Variants in LINGO2 observed in about 807,000 individuals in gnomAD.
The protein encoded by LINGO2 is leucine rich repeat and Ig domain containing 2, also known as leucine-rich repeat and immunoglobulin-like domain-containing nogo receptor-interacting protein 2.
Under a neutral mutation model 30.6 loss-of-function variants are expected in LINGO2, and 14 were observed. That is an observed-to-expected ratio of 0.46 (90% CI 0.30 to 0.72). LINGO2 has a LOEUF of 0.72. LINGO2 is among the 30% of genes least tolerant of loss of function. LINGO2 has a pLI of 0.07. For missense variants in LINGO2, 729 were observed against 751.7 expected, an observed-to-expected ratio of 0.97 and a Z score of 0.35; for synonymous variants, 317 against 288.5, an observed-to-expected ratio of 1.10 and a Z score of -1.00.
chr9:28,159,899 T>C (rs946998627), intron 4 of LINGO2, among the ~76,000 whole-genome samples: 1 of 152,182 alleles, frequency 6.6e-6, no homozygotes, highest in African/African-American at 2.4e-5. Context: ...ATTGAGACTT[T>C]TTTAACTAAA....
intron 5 of LINGO2, among the ~76,000 whole-genome samples, chr9:27,958,180 G>C (rs1001502477): frequency 6.6e-6 from 1 of 152,072 alleles, no homozygotes; most frequent in Non-Finnish European, 1.5e-5. Flanking sequence ...ATGAAAAAAT[G>C]CTTTTCTGTA....
chr9:28,556,015 T>G (rs918213126), intron 1 of LINGO2, among the ~76,000 whole-genome samples: 1 of 152,076 alleles, frequency 6.6e-6, no homozygotes, highest in Non-Finnish European at 1.5e-5. Flanking sequence ...ATGAGCTATC[T>G]ATGACAAACC....
At chr9:28,506,009 A>C (rs1443195106) in intron 1 of LINGO2, among the ~76,000 whole-genome samples, 2 of 151,942 alleles carry the variant, frequency 1.3e-5, no homozygotes, top group Non-Finnish European at 2.9e-5. Context: ...CTCAACTTGA[A>C]TAGTTGTACT....
chr9:28,029,056 T>G (rs1823532148), intron 4 of LINGO2, among the ~76,000 whole-genome samples: 1 of 152,170 alleles, frequency 6.6e-6, no homozygotes. Flanking sequence ...AGAGTGAGTA[T>G]ATAAAAGACC....
chr9:29,070,369 G>A, the LINGO2 span, among the ~76,000 whole-genome samples: 1 of 152,070 alleles, frequency 6.6e-6, no homozygotes, highest in African/African-American at 2.4e-5. Flanking sequence ...AGTTGTTGAG[G>A]AGTGCTGCAA....
At chr9:28,107,654 G>A (rs571744758) in intron 4 of LINGO2, among the ~76,000 whole-genome samples, 124 of 152,166 alleles carry the variant, frequency 8.1e-4, no homozygotes, top group African/African-American at 2.8e-3. Flanking sequence ...TTAGAAAAGC[G>A]TATAAGGTAA....
At chr9:28,210,060 C>T (rs1430803922) in intron 4 of LINGO2, among the ~76,000 whole-genome samples, 1 of 151,710 alleles carries the variant, frequency 6.6e-6, no homozygotes, top group African/African-American at 2.4e-5. Flanking sequence ...TTCCTTTACC[C>T]TTTAAAGAGG....
At chr9:29,039,356 G>A in the LINGO2 span, among the ~76,000 whole-genome samples, 48 of 152,162 alleles carry the variant, frequency 3.2e-4, no homozygotes, top group Middle Eastern at 3.4e-3. Context: ...GTTCATAAGA[G>A]AAAAAAACAA....
At chr9:28,383,940 T>G (rs1329766957) in intron 2 of LINGO2, among the ~76,000 whole-genome samples, 1 of 152,030 alleles carries the variant, frequency 6.6e-6, no homozygotes, top group African/African-American at 2.4e-5. Flanking sequence ...ACCTATGATC[T>G]TATGCTAATA....
chr9:28,111,410 TA>T (rs1387936396), intron 4 of LINGO2, among the ~76,000 whole-genome samples: 6 of 147,496 alleles, frequency 4.1e-5, no homozygotes, highest in Admixed American at 2.0e-4. Context: ...AAATAAAAAT[TA>T]AAAAAAAAAG....
chr9:28,382,918 A>T (rs1288105808), intron 2 of LINGO2, among the ~76,000 whole-genome samples: 1 of 152,086 alleles, frequency 6.6e-6, no homozygotes. Flanking sequence ...TCATTTTTTC[A>T]TACCTGCTTC....
chr9:28,442,622 C>T (rs1256473541), intron 2 of LINGO2, among the ~76,000 whole-genome samples: 2 of 151,864 alleles, frequency 1.3e-5, no homozygotes, highest in Non-Finnish European at 2.9e-5. Context: ...TAAATGCATT[C>T]ATTTATTTTC....
the LINGO2 span, among the ~76,000 whole-genome samples, chr9:28,686,606 C>A: frequency 2.0e-5 from 3 of 152,002 alleles, no homozygotes; most frequent in Non-Finnish European, 4.4e-5. Context: ...CTGCATTAAT[C>A]CTGGACTATG....
chr9:28,993,144 G>A, the LINGO2 span, among the ~76,000 whole-genome samples: 1 of 151,960 alleles, frequency 6.6e-6, no homozygotes, highest in African/African-American at 2.4e-5. Flanking sequence ...AGAAAAGAGA[G>A]AAGAATCAAA....
intron 1 of LINGO2, among the ~76,000 whole-genome samples, chr9:28,552,574 G>C (rs753729163): frequency 6.6e-6 from 1 of 151,692 alleles, no homozygotes. Context: ...CATAGGACTG[G>C]GAACATGGTC....
chr9:29,118,945 A>G, the LINGO2 span, among the ~76,000 whole-genome samples: 3 of 152,186 alleles, frequency 2.0e-5, no homozygotes, highest in Non-Finnish European at 4.4e-5. Context: ...AAGAAGTTCT[A>G]TTACCTGACT....
At position 28,593,808 on chromosome 9, in the gene LINGO2, T is replaced by C. The variant is rs141066933; in HGVS notation, c.-365+76392A>G. Among the ~76,000 whole-genome samples, 301 of 152,146 alleles carry C rather than the reference T, an allele frequency of 2.0e-3. 3 individuals carry two copies. Among genetic ancestry groups the C allele is most frequent in the African/African-American group, 7.0e-3 (289 of 41,542 alleles). On this transcript the variant is annotated intron_variant, in intron 1 of 5. Coordinates refer to ENST00000379992, the Ensembl canonical transcript of LINGO2. The stretch of plus-strand genomic sequence containing the variant: ...GGTGCTGCAACTTGAATTCCCAACA[T>C]TGACATATTTAATTCCAAAGAACAT...
chr9:29,040,036 T>C, the LINGO2 span, among the ~76,000 whole-genome samples: 1 of 152,176 alleles, frequency 6.6e-6, no homozygotes, highest in African/African-American at 2.4e-5. Flanking sequence ...ATAGAAATAT[T>C]TCTGAAATTC....
chr9:27,999,875 C>A (rs1821860683), intron 5 of LINGO2, among the ~76,000 whole-genome samples: 1 of 151,994 alleles, frequency 6.6e-6, no homozygotes, highest in African/African-American at 2.4e-5. Flanking sequence ...ATGGCAAAAA[C>A]CACAATCACT....
Sources: allele counts gnomAD v4.1 joint callset (sites outside exome capture counted in the v4.1 genomes callset), GRCh38; gene constraint gnomAD v4.1.1; transcripts MANE v1.5; gene names NCBI Gene and HGNC (gene_info 2026-07-23, HGNC 2026-07-21).